The following TOGARAM1 variants were observed in gnomAD, a reference collection of about 807,000 sequenced individuals.
The protein encoded by TOGARAM1 is TOG array regulator of axonemal microtubules 1.
In TOGARAM1, 100 loss-of-function variants were observed where a neutral mutation model predicts 166.6. That is an observed-to-expected ratio of 0.60 (90% CI 0.51 to 0.71). The LOEUF (loss-of-function observed/expected upper bound fraction) is 0.71. Ranked by LOEUF, TOGARAM1 falls within the 30% of genes least tolerant of loss-of-function variation. The probability of loss-of-function intolerance (pLI) is 0.00; values close to 1 mark genes in which losing one functional copy is unlikely to be tolerated. For missense variants in TOGARAM1, 2,029 were observed against 2,102.7 expected (o/e 0.96, Z 0.69); for synonymous variants, 758 against 763.8 (o/e 0.99, Z 0.13).
At position 45,071,761 on chromosome 14, in the gene TOGARAM1, T is replaced by A. The variant is rs749155501; in HGVS notation, c.5019T>A (p.Asn1673Lys). Residue 1673 changes from asparagine to lysine, a missense_variant, in exon 19 of 20, where the codon AAT (asparagine) becomes AAA (lysine). Physicochemically the swap from Asn to Lys is moderately conservative, Grantham distance 94. Around this residue, in one of 2 missense-constraint regions of TOGARAM1, gnomAD observed 576 missense variants for 670.5 expected, o/e 0.86. Coordinates refer to ENST00000361462, the MANE Select transcript of TOGARAM1 (RefSeq NM_001308120.2). Reference sequence around the variant, plus strand: ...TTTGCACAAAAGCTCAGTTTTTAAATGGAAAAGCAAAACAGGACATGACGG... The same window carrying A: ...TTTGCACAAAAGCTCAGTTTTTAAAAGGAAAAGCAAAACAGGACATGACGG... ...QPFCTKAQFL[N>K]GKAKQDMTEK... 2.7e-5 allele frequency: 44 copies of A among 1,612,070 alleles called. No individual in the cohort carries two copies. Among genetic ancestry groups the A allele is most frequent in the Non-Finnish European group, 3.6e-5 (42 of 1,179,506 alleles).
intron 16 of TOGARAM1, among the ~76,000 whole-genome samples, chr14:45,063,729 C>T (rs895451891): frequency 2.6e-5 from 4 of 152,098 alleles, no homozygotes; most frequent in East Asian, 1.9e-4. Flanking sequence ...CCACCCACCT[C>T]GGCCTCCCAA....
intron 8 of TOGARAM1, among the ~76,000 whole-genome samples, chr14:45,026,849 A>G (rs1161591205): frequency 6.6e-6 from 1 of 151,592 alleles, no homozygotes; most frequent in African/African-American, 2.4e-5. Flanking sequence ...AAAAAAAAAA[A>G]TACAAAAAAT....
At chr14:44,969,167 CT>C (rs1885742488) in intron 1 of TOGARAM1, among the ~76,000 whole-genome samples, 2 of 122,962 alleles carry the variant, frequency 1.6e-5, no homozygotes, top group African/African-American at 3.8e-5. Context: ...TCTTTTCTTT[CT>C]TTTCTTTTTT....
At chr14:45,044,318 G>A (rs190810702) in intron 12 of TOGARAM1, among the ~76,000 whole-genome samples, 4 of 152,152 alleles carry the variant, frequency 2.6e-5, no homozygotes, top group South Asian at 2.1e-4. Context: ...TTTAAGATAC[G>A]TTACTTGAAG....
intron 10 of TOGARAM1, among the ~76,000 whole-genome samples, chr14:45,031,477 T>A (rs1426228275): frequency 6.6e-6 from 1 of 152,218 alleles, no homozygotes. Context: ...AGGCCACTAA[T>A]TCTATATCGA....
At chr14:44,964,516 A>C in intron 1 of TOGARAM1, 49 bp downstream of exon 1, 1 of 1,506,368 alleles carries the variant, frequency 6.6e-7, no homozygotes, top group East Asian at 2.3e-5. Flanking sequence ...AATTTAAATG[A>C]AAATATGCCC....
At chr14:45,046,007 C>T (rs1324372534) in intron 13 of TOGARAM1, among the ~76,000 whole-genome samples, 1 of 151,852 alleles carries the variant, frequency 6.6e-6, no homozygotes, top group Non-Finnish European at 1.5e-5. Context: ...ATGTTATTTA[C>T]ATTCATAGAT....
At chr14:45,012,308 G>T (rs1879855062) in intron 7 of TOGARAM1, among the ~76,000 whole-genome samples, 1 of 152,100 alleles carries the variant, frequency 6.6e-6, no homozygotes, top group Non-Finnish European at 1.5e-5. Flanking sequence ...GCATACCTAT[G>T]GCTGGCTCCT....
intron 18 of TOGARAM1, among the ~76,000 whole-genome samples, chr14:45,070,911 T>G (rs1399482075): frequency 7.6e-6 from 1 of 131,506 alleles, no homozygotes; most frequent in Admixed American, 7.0e-5. Flanking sequence ...TCCCTTTTTC[T>G]GTTGTTGTTG....
At position 44,962,339 on chromosome 14, in the gene TOGARAM1, A is replaced by G. The variant is rs1456760295; in HGVS notation, c.-83A>G. The G allele has an allele frequency of 5.5e-6, 8 of 1,443,838 alleles. No individual in the cohort carries two copies. In the East Asian group the frequency reaches 1.9e-4, roughly 35 times the overall value. The allele number at this position is 1,443,838 out of a possible 1,614,324, so 89.4% of individuals were successfully genotyped here. A position where few individuals can be genotyped will look rare whatever the true frequency, so the allele number is the denominator to read the frequency against. On this transcript the variant is annotated 5_prime_UTR_variant, in exon 1 of 20. Coordinates refer to ENST00000361462, the MANE Select transcript of TOGARAM1 (RefSeq NM_001308120.2). Reference sequence around the variant, plus strand: ...GCCTCTTCTGCAGCTTGGGGCTTGGAGAGGATCTGGAAGTCTGGGCTCCAT... The same window carrying G: ...GCCTCTTCTGCAGCTTGGGGCTTGGGGAGGATCTGGAAGTCTGGGCTCCAT...
intron 1 of TOGARAM1, among the ~76,000 whole-genome samples, chr14:44,969,313 G>A (rs549637694): frequency 6.6e-6 from 1 of 151,508 alleles, no homozygotes; most frequent in South Asian, 2.1e-4. Flanking sequence ...CATCATGCCC[G>A]GCTAATTTTT....
rs1216278560 is a variant in TOGARAM1, at chr14:44,963,509, A to G, written c.1088A>G (p.Glu363Gly). The G allele has an allele frequency of 1.2e-6, 2 of 1,614,058 alleles. No homozygotes were observed. The highest frequency in any genetic ancestry group is 1.7e-6 in the Non-Finnish European group (2 of 1,180,040). The change falls in exon 1 of 20, where the codon GAA (glutamate) becomes GGA (glycine). Residue 363 changes from glutamate to glycine, a missense_variant. Coordinates refer to ENST00000361462, the MANE Select transcript of TOGARAM1 (RefSeq NM_001308120.2). ...QELHSRLLDQ[E>G]DYKNRTQAVE... The stretch of plus-strand genomic sequence containing the variant: ...CTGCATTCACGATTATTGGATCAGG[A>G]AGACTATAAGAACCGGACCCAGGCC...
intron 11 of TOGARAM1, among the ~76,000 whole-genome samples, chr14:45,041,486 C>A (rs910676654): frequency 1.3e-5 from 2 of 152,184 alleles, no homozygotes; most frequent in East Asian, 1.9e-4. Context: ...GATACCAATT[C>A]TACATATGCT....
At chr14:45,048,748 G>A (rs1323299820) in intron 14 of TOGARAM1, among the ~76,000 whole-genome samples, 8 of 151,596 alleles carry the variant, frequency 5.3e-5, no homozygotes, top group African/African-American at 1.5e-4. Context: ...AGTTGGAGGC[G>A]GGTGGATCAC....
intron 1 of TOGARAM1, among the ~76,000 whole-genome samples, chr14:44,985,259 G>A (rs1028821316): frequency 1.3e-5 from 2 of 152,272 alleles, no homozygotes; most frequent in South Asian, 4.1e-4. Context: ...TGAACCGCCC[G>A]TCTCGGCCTC....
At chr14:45,046,200 A>C (rs1389419097) in intron 13 of TOGARAM1, among the ~76,000 whole-genome samples, 1 of 152,102 alleles carries the variant, frequency 6.6e-6, no homozygotes, top group Non-Finnish European at 1.5e-5. Context: ...TTGGGAGGCC[A>C]AGGTGAGAAG....
Position 45,046,617 on chromosome 14 carries a change from A to T in TOGARAM1, c.4227A>T (p.Glu1409Asp). Reference protein sequence around the residue: ...LSDVLEFMEPERILSAAKDMA... With the variant: ...LSDVLEFMEPDRILSAAKDMA... ...ATGTATTGGAATTTATGGAACCAGA[A>T]CGTATTTTATCTGCAGCAAAGGATA... The change falls in exon 14 of 20, where the codon GAA becomes GAT. Residue 1409 changes from glutamate to aspartate, a missense_variant. Glu to Asp is a conservative substitution (Grantham distance 45, BLOSUM62 2). This residue lies in a region of TOGARAM1 where 576 missense variants were observed against 670.5 expected (regional missense o/e 0.86). Transcript: ENST00000361462. 1 of 1,421,854 alleles carries T rather than the reference A, an allele frequency of 7.0e-7. No homozygotes were observed. Among genetic ancestry groups the T allele is most frequent in the South Asian group, 1.7e-5 (1 of 59,872 alleles). 88.1% of individuals were successfully genotyped at this position (1,421,854 alleles called of 1,614,324 possible).
chr14:45,017,571 G>T (rs1353636951), intron 7 of TOGARAM1, among the ~76,000 whole-genome samples: 2 of 152,188 alleles, frequency 1.3e-5, no homozygotes, highest in Non-Finnish European at 2.9e-5. Flanking sequence ...TAGAACCTGA[G>T]AAAGCTTTGC....
intron 1 of TOGARAM1, among the ~76,000 whole-genome samples, chr14:44,979,211 A>G (rs1566604399): frequency 6.6e-6 from 1 of 152,086 alleles, no homozygotes; most frequent in Non-Finnish European, 1.5e-5. Context: ...AAAGGCAGCT[A>G]TTCTTCTTCC....
Sources: gnomAD v4.1 joint callset for allele counts (sites outside exome capture counted in the v4.1 genomes callset) on GRCh38, gnomAD v4.1.1 for gene constraint, gnomAD v4.1.1 regional missense constraint, MANE v1.5 for transcripts, NCBI Gene and HGNC (gene_info 2026-07-23, HGNC 2026-07-21) for gene names.